The following ITSN1 variants were observed in gnomAD, a reference collection of about 807,000 sequenced individuals.
The protein encoded by ITSN1 is intersectin 1.
Under a neutral mutation model 239.8 loss-of-function variants are expected in ITSN1, and 58 were observed. The ratio of observed to expected loss-of-function variants is 0.24; its 90% CI spans 0.20 to 0.30. The LOEUF is 0.30. Ranked by LOEUF, ITSN1 falls within the 10% of genes least tolerant of loss-of-function variation. The probability of loss-of-function intolerance (pLI) is 1.00; values close to 1 mark genes in which losing one functional copy is unlikely to be tolerated. For missense variants in ITSN1, 1,558 were observed against 2,103.3 expected (o/e 0.74, Z 5.07); for synonymous variants, 780 against 770.8 (o/e 1.01, Z -0.20).
chr21:33,842,862 C>T (rs938407567), intron 29 of ITSN1, among the ~76,000 whole-genome samples: 2 of 152,100 alleles, frequency 1.3e-5, no homozygotes, highest in Admixed American at 6.6e-5. Flanking sequence ...TCATCAAGGA[C>T]GCTGTTTCCC....
chr21:33,883,988 C>T lies in ITSN1; in HGVS notation c.4676+317C>T, dbSNP rs530175628. 4.0e-5 allele frequency among the ~76,000 whole-genome samples: 6 copies of T among 149,190 alleles called. No homozygotes were observed. The South Asian group carries it at 1.3e-3, about 33-fold the overall frequency. On this transcript the variant is annotated intron_variant, in intron 36 of 39. Transcript: ENST00000381318. ...AGTCACAGCTCACTGCAGCCTTAAC[C>T]TCCTGGGCTCAGGTAATCCTCCCAC...
At chr21:33,789,690 A>G (rs2070953382) in intron 16 of ITSN1, among the ~76,000 whole-genome samples, 1 of 152,174 alleles carries the variant, frequency 6.6e-6, no homozygotes. Flanking sequence ...ATATTGTTTC[A>G]CATAATACAT....
chr21:33,674,599 G>A (rs961616190), intron 1 of ITSN1, among the ~76,000 whole-genome samples: 3 of 152,102 alleles, frequency 2.0e-5, no homozygotes, highest in Non-Finnish European at 4.4e-5. Flanking sequence ...CAATAGAGCA[G>A]TAAAGAAAAA....
chr21:33,871,447 A>C (rs888486829), intron 33 of ITSN1, among the ~76,000 whole-genome samples: 9 of 151,568 alleles, frequency 5.9e-5, no homozygotes, highest in Non-Finnish European at 8.8e-5. Context: ...CAAAAAAAAA[A>C]ACAAAAAACA....
chr21:33,807,362 AGTGTCTC>A (rs1350430687), intron 20 of ITSN1, among the ~76,000 whole-genome samples: 2 of 152,134 alleles, frequency 1.3e-5, no homozygotes, highest in African/African-American at 4.8e-5. Flanking sequence ...GATGTCCACC[AGTGTCTC>A]GCTCTGTTAC....
Position 33,882,092 on chromosome 21 carries a change from A to G in ITSN1, c.4342-151A>G, listed in dbSNP as rs1245535300. On this transcript the variant is annotated intron_variant, in intron 34 of 39. Transcript: ENST00000381318. The surrounding 1 kb of genome is among the most constrained non-coding windows in gnomAD (Gnocchi z 4.5). ...TGAACTGTGCCTTTGTCTGACTTTG[A>G]TCTCTTGGCTCCAAAGTCTTCAAAG... 1.2e-5 allele frequency: 8 copies of G among 643,782 alleles called. No individual in the cohort carries two copies. The highest frequency in any genetic ancestry group is 8.4e-4 in the Middle Eastern group (2 of 2,368). 39.9% of individuals were successfully genotyped at this position (643,782 alleles called of 1,614,324 possible).
intron 1 of ITSN1, among the ~76,000 whole-genome samples, chr21:33,699,643 C>T (rs991761037): frequency 6.6e-6 from 1 of 152,202 alleles, no homozygotes; most frequent in African/African-American, 2.4e-5. Flanking sequence ...GGCTTAAGCC[C>T]TGGATGTGGA....
intron 38 of ITSN1, 24 bp downstream of exon 38, chr21:33,885,546 C>A (rs1490822025): frequency 1.2e-6 from 2 of 1,604,124 alleles, no homozygotes; most frequent in Admixed American, 1.7e-5. Flanking sequence ...GCGCCCCCGG[C>A]TCCTGCTTTG....
intron 1 of ITSN1, among the ~76,000 whole-genome samples, chr21:33,690,790 C>T (rs6147485): frequency 0.43 from 5,201 of 12,184 alleles, 1,267 homozygotes; most frequent in Non-Finnish European, 0.5. Flanking sequence ...TATATATATA[C>T]ATATATATAT....
chr21:33,822,056 G>C (rs1173529472), intron 24 of ITSN1, among the ~76,000 whole-genome samples: 1 of 152,224 alleles, frequency 6.6e-6, no homozygotes, highest in African/African-American at 2.4e-5. Context: ...TAAAGACAGA[G>C]AGTCTTCTGT....
chr21:33,867,918 G>C (rs2148508577), intron 33 of ITSN1, among the ~76,000 whole-genome samples: 1 of 152,250 alleles, frequency 6.6e-6, no homozygotes, highest in Admixed American at 6.5e-5. Flanking sequence ...TCCTCCCGGT[G>C]GGCTCGTGGT....
intron 22 of ITSN1, chr21:33,817,468 C>A: frequency 7.7e-7 from 1 of 1,304,446 alleles, no homozygotes; most frequent in Non-Finnish European, 1.0e-6. Context: ...CAGAATTCAT[C>A]CCTGTTTTCT....
intron 4 of ITSN1, among the ~76,000 whole-genome samples, chr21:33,728,709 T>G (rs1022472453): frequency 4.6e-5 from 7 of 152,062 alleles, no homozygotes; most frequent in Non-Finnish European, 1.0e-4. Flanking sequence ...TGTAAAGTGG[T>G]CCCCTCTGCC....
At chr21:33,834,220 G>C in intron 27 of ITSN1, 87 bp from the exon 28 acceptor site, 1 of 904,040 alleles carries the variant, frequency 1.1e-6, no homozygotes, top group South Asian at 1.5e-5. Context: ...TTATATGTAA[G>C]CTTTACATAA....
intron 1 of ITSN1, among the ~76,000 whole-genome samples, chr21:33,679,590 G>T (rs1272615912): frequency 1.3e-5 from 2 of 151,870 alleles, no homozygotes; most frequent in Non-Finnish European, 2.9e-5. Flanking sequence ...TTTCTTTGTG[G>T]ATTATAGGTT....
intron 11 of ITSN1, among the ~76,000 whole-genome samples, chr21:33,771,219 A>C (rs151042572): frequency 1.3e-3 from 205 of 152,326 alleles, no homozygotes; most frequent in Non-Finnish European, 2.2e-3. Context: ...GTGAAGTCCA[A>C]ACAGGAATGT....
chr21:33,699,144 A>G (rs1170151127), intron 1 of ITSN1, among the ~76,000 whole-genome samples: 5 of 152,110 alleles, frequency 3.3e-5, no homozygotes, highest in African/African-American at 7.2e-5. Flanking sequence ...TATTTAAAAT[A>G]TACACATTTT....
chr21:33,784,464 C>T (rs2070478889), intron 16 of ITSN1, among the ~76,000 whole-genome samples: 1 of 152,144 alleles, frequency 6.6e-6, no homozygotes, highest in African/African-American at 2.4e-5. Flanking sequence ...GATTGTGTCA[C>T]TGCACTCCTG....
chr21:33,883,233 C>T (rs1055083624), intron 35 of ITSN1, among the ~76,000 whole-genome samples: 9 of 152,302 alleles, frequency 5.9e-5, no homozygotes, highest in African/African-American at 1.4e-4. Flanking sequence ...CCCGCAAAAT[C>T]GTGGGCGGGG....
Sources: gnomAD v4.1 joint callset for allele counts (sites outside exome capture counted in the v4.1 genomes callset) on GRCh38, gnomAD v4.1.1 for gene constraint, Gnocchi (gnomAD v3.1) non-coding constraint, MANE v1.5 for transcripts, NCBI Gene and HGNC (gene_info 2026-07-23, HGNC 2026-07-21) for gene names.